The following BTAF1 variants were observed in gnomAD, a reference collection of about 807,000 sequenced individuals.
The protein encoded by BTAF1 is B-TFIID TATA-box binding protein associated factor 1.
In BTAF1, 38 loss-of-function variants were observed where a neutral mutation model predicts 227.1. The observed-to-expected ratio is 0.17, with a 90% CI of 0.13 to 0.22. The LOEUF (loss-of-function observed/expected upper bound fraction) is 0.22. Among genes scored for constraint, BTAF1 ranks in the 10% least tolerant of loss-of-function variants. BTAF1 has a pLI of 1.00. For synonymous variants in BTAF1, 742 were observed against 751.9 expected (o/e 0.99, Z 0.21); for missense variants, 1,598 against 2,204.0 (o/e 0.73, Z 5.51).
rs979244413 is a variant in BTAF1, at chr10:92,013,543, G to T, written c.4312-124G>T. The T allele has an allele frequency of 3.2e-6, 4 of 1,253,394 alleles. No individual in the cohort carries two copies. In the African/African-American group the frequency reaches 6.0e-5, roughly 19 times the overall value. The allele number at this position is 1,253,394 out of a possible 1,614,324, so 77.6% of individuals were successfully genotyped here. On this transcript the variant is annotated intron_variant, in intron 30 of 37. Coordinates refer to ENST00000265990, the MANE Select transcript of BTAF1 (RefSeq NM_003972.3). ...ACTAAAATAAAGACTTACACCATAT[G>T]TCTAAAAATATAGTGATAATCTCTC...
intron 2 of BTAF1, among the ~76,000 whole-genome samples, chr10:91,939,625 ATGGAG>A: frequency 6.6e-6 from 1 of 152,120 alleles, no homozygotes; most frequent in South Asian, 2.1e-4. Context: ...TTTTGTAGAG[ATGGAG>A]TTTCACCATG....
At chr10:92,013,631 C>A in intron 30 of BTAF1, 36 bp from the exon 31 acceptor site, 1 of 1,613,236 alleles carries the variant, frequency 6.2e-7, no homozygotes, top group Non-Finnish European at 8.5e-7. Flanking sequence ...AGGAAATAAT[C>A]CCAGTACAAA....
intron 19 of BTAF1, among the ~76,000 whole-genome samples, chr10:91,986,822 A>C (rs1848423577): frequency 6.6e-6 from 1 of 151,882 alleles, no homozygotes; most frequent in Non-Finnish European, 1.5e-5. Flanking sequence ...TAAATATCAG[A>C]ATCTCTGGGA....
intron 25 of BTAF1, among the ~76,000 whole-genome samples, chr10:92,003,268 A>C (rs1387768714): frequency 1.3e-5 from 2 of 152,138 alleles, no homozygotes; most frequent in Non-Finnish European, 2.9e-5. Context: ...CCATTTAATT[A>C]AGTTTTAATC....
At chr10:91,985,424 G>C in intron 19 of BTAF1, among the ~76,000 whole-genome samples, 1 of 151,940 alleles carries the variant, frequency 6.6e-6, no homozygotes, top group Admixed American at 6.5e-5. Context: ...CTTTTTGTCT[G>C]TTGTGAAAAA....
At chr10:91,975,803 C>T (rs1847638616) in intron 14 of BTAF1, among the ~76,000 whole-genome samples, 1 of 152,172 alleles carries the variant, frequency 6.6e-6, no homozygotes, top group Admixed American at 6.5e-5. Flanking sequence ...AAGATCTTAT[C>T]CCACCTGAGA....
At chr10:91,956,895 TAGG>T (rs1181792687) in intron 7 of BTAF1, among the ~76,000 whole-genome samples, 1 of 151,892 alleles carries the variant, frequency 6.6e-6, no homozygotes, top group Non-Finnish European at 1.5e-5. Context: ...GAGGCTGAGG[TAGG>T]AGAATCGCTT....
At chr10:91,931,894 T>TTCTTG (rs1254329905) in intron 1 of BTAF1, among the ~76,000 whole-genome samples, 1 of 152,208 alleles carries the variant, frequency 6.6e-6, no homozygotes, top group African/African-American at 2.4e-5. Context: ...CAAAGAAGCA[T>TTCTTG]TCTTGTGTCT....
intron 2 of BTAF1, among the ~76,000 whole-genome samples, chr10:91,938,507 G>A (rs1287881769): frequency 1.3e-5 from 2 of 152,136 alleles, no homozygotes; most frequent in Non-Finnish European, 2.9e-5. Context: ...TCCCACCACC[G>A]TTTGTTGAAA....
chr10:91,962,630 A>G lies in BTAF1; in HGVS notation c.1356A>G (p.Ala452=), dbSNP rs1297798489. ...LDDDVRAVAA[A]SLVPVVESLV... ...ATGATGTCAGAGCTGTTGCTGCAGC[A>G]TCATTAGTGCCTGTAGTAGAAAGCC... Residue 452 remains alanine (A), a synonymous_variant, in exon 12 of 38, where the codon GCA becomes GCG. Transcript: ENST00000265990. The G allele has an allele frequency of 2.5e-6, 4 of 1,611,546 alleles. No individual in the cohort carries two copies. In the Admixed American group the frequency reaches 6.7e-5, roughly 27 times the overall value.
intron 3 of BTAF1, 120 bp from the exon 4 acceptor site, chr10:91,942,298 TTGTG>T (rs58443276): frequency 0.021 from 11,719 of 545,760 alleles, 64 homozygotes; most frequent in Middle Eastern, 0.064. Context: ...AAAAAAAAGT[TTGTG>T]TGTGTGTGTG....
At chr10:91,978,034 A>G (rs992897997) in intron 14 of BTAF1, among the ~76,000 whole-genome samples, 1 of 152,230 alleles carries the variant, frequency 6.6e-6, no homozygotes, top group Non-Finnish European at 1.5e-5. Flanking sequence ...ACCAAAGTCC[A>G]TAATTTACTT....
intron 23 of BTAF1, among the ~76,000 whole-genome samples, chr10:91,995,120 C>A (rs1225352507): frequency 1.3e-5 from 2 of 152,000 alleles, no homozygotes; most frequent in African/African-American, 2.4e-5. Context: ...ATGTTTCTTA[C>A]AAAAGAATTA....
At chr10:91,928,005 A>C (rs1222581717) in intron 1 of BTAF1, among the ~76,000 whole-genome samples, 1 of 138,990 alleles carries the variant, frequency 7.2e-6, no homozygotes, top group Admixed American at 7.3e-5. Flanking sequence ...TTTTTGCAGT[A>C]AGGAAAACTT....
intron 25 of BTAF1, among the ~76,000 whole-genome samples, chr10:91,998,840 CAGG>C (rs1222806166): frequency 2.6e-5 from 4 of 151,972 alleles, no homozygotes; most frequent in African/African-American, 9.7e-5. Flanking sequence ...CACTTGAGGT[CAGG>C]AGTTCGAAAT....
chr10:92,017,463 TTTAAAGATATAAGAAG>T (rs1262804329), intron 33 of BTAF1, among the ~76,000 whole-genome samples: 1 of 152,174 alleles, frequency 6.6e-6, no homozygotes, highest in East Asian at 1.9e-4. Flanking sequence ...CTGTAGCATT[TTTAAAGATATAAGAAG>T]GAAAAGATAG....
In BTAF1 at chr10:92,024,826, A is replaced by C; in HGVS notation, c.4934A>C (p.His1645Pro). Residue 1645 changes from histidine to proline, a missense_variant, in exon 35 of 38, where the codon CAC becomes CCC. This residue lies in a region of BTAF1 where 205 missense variants were observed against 244.5 expected (regional missense o/e 0.84). Transcript: ENST00000265990. ...GGCACAGAGTCTGTTGTGGCCCAGC[A>C]CAGGATACTGATATTCTGTCAGCTG... ...ESGTESVVAQ[H>P]RILIFCQLKS... The C allele has an allele frequency of 6.2e-7, 1 of 1,612,832 alleles. No homozygotes were observed. Among genetic ancestry groups the C allele is most frequent in the Non-Finnish European group, 8.5e-7 (1 of 1,179,794 alleles).
intron 1 of BTAF1, 33 bp from the exon 2 acceptor site, chr10:91,935,624 T>A: frequency 6.2e-7 from 1 of 1,606,616 alleles, no homozygotes; most frequent in Non-Finnish European, 8.5e-7. Context: ...GGAAAAGCAT[T>A]TGAGAATAAC....
intron 1 of BTAF1, among the ~76,000 whole-genome samples, chr10:91,928,517 A>G (rs894363012): frequency 6.6e-6 from 1 of 152,224 alleles, no homozygotes; most frequent in Non-Finnish European, 1.5e-5. Flanking sequence ...TTCACTAGCT[A>G]CTTGACTTGC....
Sources: allele counts gnomAD v4.1 joint callset (sites outside exome capture counted in the v4.1 genomes callset), GRCh38; gene constraint gnomAD v4.1.1; regional missense constraint gnomAD v4.1.1; transcripts MANE v1.5; gene names NCBI Gene and HGNC (gene_info 2026-07-23, HGNC 2026-07-21).